The following PRDM1 variants were observed in gnomAD, a reference collection of about 807,000 sequenced individuals.
PRDM1 encodes PR domain zinc finger protein 1.
Under a neutral mutation model 62.8 loss-of-function variants are expected in PRDM1, and 13 were observed. The observed-to-expected ratio is 0.21, with a 90% CI of 0.13 to 0.33. PRDM1 has a LOEUF of 0.33. Among genes scored for constraint, PRDM1 ranks in the 10% least tolerant of loss-of-function variants. PRDM1 has a pLI of 1.00. For missense variants in PRDM1, 895 were observed against 1,058.8 expected, an observed-to-expected ratio of 0.85 and a Z score of 2.15; for synonymous variants, 396 against 417.6, an observed-to-expected ratio of 0.95 and a Z score of 0.63.
chr6:106,106,635 T>C lies in PRDM1; in HGVS notation c.1902+136T>C, dbSNP rs1369366317. 4 of 1,274,868 alleles carry C rather than the reference T, an allele frequency of 3.1e-6. No homozygotes were observed. The highest frequency in any genetic ancestry group is 4.3e-6 in the Non-Finnish European group (4 of 929,682). The allele number at this position is 1,274,868 out of a possible 1,614,324, so 79.0% of individuals were successfully genotyped here. A position where few individuals can be genotyped will look rare whatever the true frequency, so the allele number is the denominator to read the frequency against. ...GTCCCATCCTGGACTGATGGCACTATGGTCCTTCCCAGTACTTTGTATCTG... is the reference window on the plus strand; with the variant it reads ...GTCCCATCCTGGACTGATGGCACTACGGTCCTTCCCAGTACTTTGTATCTG... On this transcript the variant is annotated intron_variant, in intron 6 of 6. Coordinates refer to ENST00000369096, the MANE Select transcript of PRDM1 (RefSeq NM_001198.4). The surrounding 1 kb of genome is among the most constrained non-coding windows in gnomAD (Gnocchi z 4.4).
At chr6:106,049,233 T>C (rs1773132318) in intron 1 of PRDM1, among the ~76,000 whole-genome samples, 1 of 152,198 alleles carries the variant, frequency 6.6e-6, no homozygotes, top group Admixed American at 6.5e-5. Flanking sequence ...AGCAAACTAC[T>C]TGCAGCTCCC....
At chr6:106,040,210 C>T (rs1275933570) in intron 1 of PRDM1, among the ~76,000 whole-genome samples, 87 of 152,208 alleles carry the variant, frequency 5.7e-4, no homozygotes, top group Non-Finnish European at 1.5e-4. Flanking sequence ...CATTGTTCTT[C>T]TCTTGACATT....
chr6:106,060,442 G>C (rs768359953), intron 1 of PRDM1, among the ~76,000 whole-genome samples: 6 of 152,166 alleles, frequency 3.9e-5, no homozygotes, highest in African/African-American at 7.2e-5. Context: ...GCAGAGCATT[G>C]GGGAGAGACT....
intron 1 of PRDM1, among the ~76,000 whole-genome samples, chr6:106,014,405 A>G (rs934017569): frequency 6.7e-6 from 1 of 149,270 alleles, no homozygotes; most frequent in Non-Finnish European, 1.5e-5. Flanking sequence ...TGTTGTCTCC[A>G]GTGTCTGAAA....
At chr6:105,996,309 G>T (rs115660067) in intron 1 of PRDM1, among the ~76,000 whole-genome samples, 393 of 152,174 alleles carry the variant, frequency 2.6e-3, no homozygotes, top group African/African-American at 9.0e-3. Context: ...AAATGTGGTA[G>T]CCACTGGTTC....
intron 1 of PRDM1, among the ~76,000 whole-genome samples, chr6:106,059,025 T>C (rs957998977): frequency 6.6e-6 from 1 of 152,186 alleles, no homozygotes; most frequent in African/African-American, 2.4e-5. Context: ...CAAATATTTC[T>C]TGAGTACCTA....
intron 1 of PRDM1, among the ~76,000 whole-genome samples, chr6:106,028,670 A>T (rs1034265442): frequency 6.6e-6 from 1 of 152,194 alleles, no homozygotes; most frequent in African/African-American, 2.4e-5. Flanking sequence ...TTTAAAGTGT[A>T]TAGTTTGATA....
chr6:106,017,486 G>T (rs1311939339), intron 1 of PRDM1, among the ~76,000 whole-genome samples: 1 of 152,180 alleles, frequency 6.6e-6, no homozygotes, highest in Non-Finnish European at 1.5e-5. Context: ...GCCTTAGAGG[G>T]TGACCTGCGC....
chr6:106,108,676 A>C lies in PRDM1; in HGVS notation c.*1190A>C, dbSNP rs549668352. 3.8e-4 allele frequency: 88 copies of C among 233,508 alleles called. No individual in the cohort carries two copies. Among genetic ancestry groups the C allele is most frequent in the Non-Finnish European group, 6.1e-4 (72 of 118,008 alleles). 14.5% of individuals were successfully genotyped at this position (233,508 alleles called of 1,614,324 possible). On this transcript the variant is annotated 3_prime_UTR_variant, in exon 7 of 7. Transcript: ENST00000369096. ...AGTCATCTTGGGGTAAAAGCGGGTA[A>C]TGAACATTCCTATCCCCAACACATC...
chr6:106,065,096 A>G (rs1323466644), intron 1 of PRDM1, among the ~76,000 whole-genome samples: 2 of 151,988 alleles, frequency 1.3e-5, no homozygotes, highest in Non-Finnish European at 2.9e-5. Flanking sequence ...TGGCTAGAGG[A>G]GGTCTGTGGC....
At chr6:106,009,033 G>C (rs541943092) in intron 1 of PRDM1, among the ~76,000 whole-genome samples, 2 of 152,120 alleles carry the variant, frequency 1.3e-5, no homozygotes, top group South Asian at 4.1e-4. Context: ...GGCCCCTCAC[G>C]GCAGTGGTTA....
At chr6:106,100,607 T>A (rs1331376337) in intron 4 of PRDM1, 1 of 152,240 alleles carries the variant, frequency 6.6e-6, no homozygotes, top group Non-Finnish European at 1.5e-5. Flanking sequence ...GAATTTTGAC[T>A]TTGATTTTAG....
intron 1 of PRDM1, among the ~76,000 whole-genome samples, chr6:106,014,058 A>ATTTTT (rs71006664): frequency 1.4e-4 from 15 of 105,090 alleles, no homozygotes; most frequent in African/African-American, 1.8e-4. Flanking sequence ...AGGACAAGGA[A>ATTTTT]TTTTTTTTTT....
At position 106,106,565 on chromosome 6, in the gene PRDM1, T is replaced by C; in HGVS notation, c.1902+66T>C. On this transcript the variant is annotated intron_variant, in intron 6 of 6. Transcript: ENST00000369096. This position sits in a 1 kb window ranked among gnomAD's most constrained non-coding sequence, Gnocchi z 4.4. ...AAAATGTCTGTGAGTCACCCTCCCA[T>C]GTCCTATATAGCCCGTAGTTAAAGC... 5.0e-6 allele frequency: 8 copies of C among 1,596,828 alleles called. No homozygotes were observed. In the Admixed American group the frequency reaches 1.2e-4, roughly 23 times the overall value.
intron 1 of PRDM1, among the ~76,000 whole-genome samples, chr6:106,024,477 T>C (rs973696247): frequency 7.2e-5 from 11 of 152,250 alleles, no homozygotes; most frequent in African/African-American, 1.7e-4. Context: ...CAGATTGCAG[T>C]TGAAATTTTA....
chr6:106,008,934 A>G (rs1416701381), intron 1 of PRDM1, among the ~76,000 whole-genome samples: 8 of 152,282 alleles, frequency 5.3e-5, no homozygotes, highest in African/African-American at 1.9e-4. Context: ...CACAAGGTTC[A>G]AATCACAGAC....
intron 1 of PRDM1, among the ~76,000 whole-genome samples, chr6:106,039,409 C>T (rs1452652672): frequency 6.6e-6 from 1 of 152,182 alleles, no homozygotes; most frequent in Non-Finnish European, 1.5e-5. Flanking sequence ...AAAAGTGACT[C>T]AATCCCTGTT....
At chr6:105,993,513 C>T (rs9486257) in exon 1 of PRDM1, among the ~76,000 whole-genome samples, 12,463 of 152,258 alleles carry the variant, frequency 0.082, 917 homozygotes, top group African/African-American at 0.19. Flanking sequence ...TTTCTAGGTT[C>T]ATCTAGGCCA....
At chr6:106,033,162 C>T (rs1310487768) in intron 1 of PRDM1, among the ~76,000 whole-genome samples, 1 of 151,448 alleles carries the variant, frequency 6.6e-6, no homozygotes, top group Non-Finnish European at 1.5e-5. Context: ...TTTTAAGAGA[C>T]TGAGTTTTGC....
Sources: allele counts gnomAD v4.1 joint callset (sites outside exome capture counted in the v4.1 genomes callset), GRCh38; gene constraint gnomAD v4.1.1; non-coding constraint Gnocchi (gnomAD v3.1); transcripts MANE v1.5; gene names NCBI Gene and HGNC (gene_info 2026-07-23, HGNC 2026-07-21).